Variants in SYNPR observed in about 807,000 individuals in gnomAD.
SYNPR encodes the protein synaptoporin.
SYNPR carries 23 observed loss-of-function variants against 32.9 expected under a neutral mutation model. That is an observed-to-expected ratio of 0.70 (90% confidence interval 0.50 to 0.99). SYNPR has a LOEUF of 0.99. Among genes scored for constraint, SYNPR ranks in the 50% least tolerant of loss-of-function variants. The probability of loss-of-function intolerance (pLI) is 0.00; values close to 1 mark genes in which losing one functional copy is unlikely to be tolerated. For missense variants in SYNPR, 318 were observed against 349.3 expected (o/e 0.91, Z 0.71); for synonymous variants, 146 against 135.9 (o/e 1.07, Z -0.52).
intron 2 of SYNPR, among the ~76,000 whole-genome samples, chr3:63,331,883 G>A (rs1575600546): frequency 6.6e-6 from 1 of 152,304 alleles, no homozygotes; most frequent in African/African-American, 2.4e-5. Context: ...AGGAGCTGAG[G>A]TTTGGAAGAG....
chr3:63,383,439 A>T (rs1021259146), intron 2 of SYNPR, among the ~76,000 whole-genome samples: 1 of 152,034 alleles, frequency 6.6e-6, no homozygotes, highest in African/African-American at 2.4e-5. Flanking sequence ...GGCCAGGACC[A>T]GGCGCAGTGG....
chr3:63,387,606 T>C (rs1453674228), intron 2 of SYNPR, among the ~76,000 whole-genome samples: 1 of 152,082 alleles, frequency 6.6e-6, no homozygotes, highest in Non-Finnish European at 1.5e-5. Flanking sequence ...GGAAAATGGG[T>C]AGTGAAAGGC....
rs560417329 is a variant in SYNPR at position 63,268,458 on chromosome 3, C to T, written n.287+1009C>T. On this transcript the variant is annotated intron_variant and non_coding_transcript_variant, in intron 3 of 4. Transcript: ENST00000478456. ...TAACTACTAATAGCCTGCTGTTGAC[C>T]GGAAGCCTTACCGGCAGCATAAACA... Among the ~76,000 whole-genome samples the T allele has an allele frequency of 1.2e-4, 18 of 152,230 alleles. No individual in the cohort carries two copies. The South Asian group carries it at 3.3e-3, about 28-fold the overall frequency.
intron 5 of SYNPR, among the ~76,000 whole-genome samples, chr3:63,613,224 T>C (rs1700227891): frequency 6.6e-6 from 1 of 151,952 alleles, no homozygotes; most frequent in African/African-American, 2.4e-5. Flanking sequence ...TACTCTTATA[T>C]TGACATACAC....
intron 2 of SYNPR, among the ~76,000 whole-genome samples, chr3:63,290,088 C>T (rs1437439250): frequency 6.6e-6 from 1 of 151,230 alleles, no homozygotes; most frequent in Non-Finnish European, 1.5e-5. Context: ...AGAGATCACG[C>T]CATGGCACTC....
rs534106044 is a variant in SYNPR at position 63,339,915 on chromosome 3, C to A, written c.84+61173C>A. 9.9e-5 allele frequency among the ~76,000 whole-genome samples: 15 copies of A among 152,264 alleles called. No individual in the cohort carries two copies. In the South Asian group the frequency reaches 1.4e-3, roughly 15 times the overall value. The stretch of plus-strand genomic sequence containing the variant: ...CAGGTGATCTGCCCGCCTCGGCCTC[C>A]CAAAGTGCTGGAATTAGAGGCGTGA... On this transcript the variant is annotated intron_variant, in intron 2 of 5. Transcript: ENST00000478300.
chr3:63,564,347 C>T (rs760705812), intron 4 of SYNPR, among the ~76,000 whole-genome samples: 3 of 151,994 alleles, frequency 2.0e-5, no homozygotes, highest in Non-Finnish European at 4.4e-5. Flanking sequence ...CAGGGGTGCA[C>T]CACCATGCCC....
At chr3:63,473,357 C>A (rs1014929095) in intron 2 of SYNPR, among the ~76,000 whole-genome samples, 10 of 152,002 alleles carry the variant, frequency 6.6e-5, no homozygotes, top group Non-Finnish European at 1.3e-4. Flanking sequence ...AAATAGACAG[C>A]AAGTTCCCTG....
the SYNPR span, among the ~76,000 whole-genome samples, chr3:63,201,432 T>C: frequency 6.6e-6 from 1 of 152,202 alleles, no homozygotes; most frequent in Non-Finnish European, 1.5e-5. Flanking sequence ...AATATGTGTC[T>C]CTGTGGGACA....
chr3:63,610,220 T>A lies in SYNPR; in HGVS notation c.600+904T>A, dbSNP rs1700180338. On this transcript the variant is annotated intron_variant, in intron 5 of 5. Coordinates refer to ENST00000478300, the MANE Select transcript of SYNPR (RefSeq NM_001130003.2). The stretch of plus-strand genomic sequence containing the variant: ...AAAGTCAAATGTTATCATCAAGAGT[T>A]ATGGCTCTTACAAGAAAAGAGAAAA... 2.0e-5 allele frequency among the ~76,000 whole-genome samples: 3 copies of A among 152,306 alleles called. No individual in the cohort carries two copies. In the South Asian group the frequency reaches 6.2e-4, roughly 32 times the overall value.
rs186953758 is a variant in SYNPR, at chr3:63,597,052, T to C, written c.409-12073T>C. 3.3e-3 allele frequency among the ~76,000 whole-genome samples: 508 copies of C among 152,246 alleles called. 3 individuals carry two copies. Among genetic ancestry groups the C allele is most frequent in the African/African-American group, 0.011 (472 of 41,544 alleles). Reference sequence around the variant, plus strand: ...AAATAATAATTTTGATGTATTGGGGTTTGTTGTATTAATATGTTATATATT... The same window carrying C: ...AAATAATAATTTTGATGTATTGGGGCTTGTTGTATTAATATGTTATATATT... On this transcript the variant is annotated intron_variant, in intron 4 of 5. Coordinates refer to ENST00000478300, the MANE Select transcript of SYNPR (RefSeq NM_001130003.2).
At chr3:63,325,079 T>G (rs2087151760) in intron 2 of SYNPR, among the ~76,000 whole-genome samples, 1 of 152,106 alleles carries the variant, frequency 6.6e-6, no homozygotes. Context: ...TGGTGAGCCT[T>G]CTGCATTTAT....
intron 2 of SYNPR, among the ~76,000 whole-genome samples, chr3:63,417,078 C>T (rs2088552019): frequency 6.6e-6 from 1 of 152,180 alleles, no homozygotes; most frequent in Non-Finnish European, 1.5e-5. Flanking sequence ...TGAGACAAGG[C>T]CAGTCCCTTC....
At chr3:63,554,097 T>C (rs1488048250) in intron 3 of SYNPR, among the ~76,000 whole-genome samples, 2 of 152,174 alleles carry the variant, frequency 1.3e-5, no homozygotes, top group African/African-American at 4.8e-5. Context: ...GCTTGTTGAT[T>C]TGTTTAAGTT....
At chr3:63,526,045 CAG>C (rs1702005794) in intron 3 of SYNPR, among the ~76,000 whole-genome samples, 2 of 152,152 alleles carry the variant, frequency 1.3e-5, no homozygotes, top group African/African-American at 4.8e-5. Context: ...AAAAGCAAGA[CAG>C]AGAGAGGGGA....
intron 1 of SYNPR, among the ~76,000 whole-genome samples, chr3:63,242,381 C>T (rs4365621): frequency 1.3e-5 from 2 of 151,980 alleles, no homozygotes; most frequent in Non-Finnish European, 2.9e-5. Context: ...ACCAGGACTC[C>T]TAGGGACTGG....
intron 1 of SYNPR, among the ~76,000 whole-genome samples, chr3:63,242,828 A>G (rs2086258310): frequency 6.6e-6 from 1 of 152,134 alleles, no homozygotes. Context: ...AATAGGTAAA[A>G]AAGGAAATAG....
chr3:63,575,575 G>A (rs1222537881), intron 4 of SYNPR, among the ~76,000 whole-genome samples: 1 of 152,090 alleles, frequency 6.6e-6, no homozygotes, highest in Non-Finnish European at 1.5e-5. Context: ...GGGATTGTGG[G>A]GAAAAGCTTT....
intron 2 of SYNPR, among the ~76,000 whole-genome samples, chr3:63,255,796 G>A (rs1401789146): frequency 6.6e-6 from 1 of 152,168 alleles, no homozygotes; most frequent in Non-Finnish European, 1.5e-5. Flanking sequence ...GAAGTGCAAG[G>A]GGTCAGGGAA....
Sources: allele counts gnomAD v4.1 joint callset (sites outside exome capture counted in the v4.1 genomes callset), GRCh38; gene constraint gnomAD v4.1.1; transcripts MANE v1.5; gene names NCBI Gene and HGNC (gene_info 2026-07-23, HGNC 2026-07-21).